GTPBP2: variants seen among roughly 807,000 people sequenced by gnomAD.
GTPBP2 encodes the protein GTP binding protein 2.
In GTPBP2, 32 loss-of-function variants were observed where a neutral mutation model predicts 63.0. That is an observed-to-expected ratio of 0.51 (90% CI 0.38 to 0.68). GTPBP2 has a LOEUF of 0.68. GTPBP2 is among the 30% of genes least tolerant of loss of function. The pLI, the probability that GTPBP2 is intolerant of heterozygous loss-of-function variation, is 0.00. For synonymous variants in GTPBP2, 310 were observed against 322.6 expected (o/e 0.96, Z 0.42); for missense variants, 492 against 796.9 (o/e 0.62, Z 4.61).
upstream of GTPBP2, chr6:43,629,910 TAAC>T (rs1769790680): frequency 7.2e-6 from 8 of 1,109,522 alleles, no homozygotes; most frequent in Non-Finnish European, 9.9e-6. Context: ...CTGGTTTTAA[TAAC>T]CGGAGGCACC....
In GTPBP2 at chr6:43,623,702, G is replaced by A. The variant is rs1018923446; in HGVS notation, c.1295+35C>T. 4.6e-6 allele frequency: 7 copies of A among 1,516,808 alleles called. No homozygotes were observed. In the East Asian group the frequency reaches 1.6e-4, roughly 34 times the overall value. The allele number at this position is 1,516,808 out of a possible 1,614,324, so 94.0% of individuals were successfully genotyped here. ...GATGTCTTTGAGTATATAGGTGAGGGCTGAGTGGGGAGGGTAGCAAGCAAG... is the reference window on the plus strand; with the variant it reads ...GATGTCTTTGAGTATATAGGTGAGGACTGAGTGGGGAGGGTAGCAAGCAAG... On this transcript the variant is annotated intron_variant, in intron 9 of 11. Transcript: ENST00000307126.
chr6:43,627,635 A>G (rs1407036138), intron 1 of GTPBP2, among the ~76,000 whole-genome samples: 3 of 152,220 alleles, frequency 2.0e-5, no homozygotes, highest in Non-Finnish European at 4.4e-5. Flanking sequence ...AGTCTCTTCT[A>G]GCTCCAGTGG....
Position 43,623,191 on chromosome 6 carries a change from G to C in GTPBP2, c.1296-387C>G, listed in dbSNP as rs1385418861. 4 of 194,348 alleles carry C rather than the reference G, an allele frequency of 2.1e-5. No homozygotes were observed. In the South Asian group the frequency reaches 4.4e-4, roughly 22 times the overall value. The allele number at this position is 194,348 out of a possible 1,614,324, so 12.0% of individuals were successfully genotyped here. On this transcript the variant is annotated intron_variant, in intron 9 of 11. Coordinates refer to ENST00000307126, the MANE Select transcript of GTPBP2 (RefSeq NM_019096.5). The stretch of plus-strand genomic sequence containing the variant: ...GGATCACTTGAGGTCAGGAATTCAA[G>C]ACCAGCCTGGCCAATATGGTGACGA...
upstream of GTPBP2, among the ~76,000 whole-genome samples, chr6:43,630,603 C>T (rs925806430): frequency 2.7e-4 from 41 of 152,026 alleles, no homozygotes; most frequent in African/African-American, 9.9e-4. Flanking sequence ...ATTAGCTGGG[C>T]GTGGTGGCGC....
At chr6:43,628,654 C>T in intron 1 of GTPBP2, 1 of 901,646 alleles carries the variant, frequency 1.1e-6, no homozygotes, top group East Asian at 4.1e-5. Flanking sequence ...TGCAGTCTCT[C>T]TTGCCCTATG....
At chr6:43,628,854 G>A (rs1184467629) in intron 1 of GTPBP2, 123 bp downstream of exon 1, 4 of 1,074,314 alleles carry the variant, frequency 3.7e-6, no homozygotes, top group Admixed American at 1.7e-5. Flanking sequence ...TTCTCCTCCC[G>A]TGCCCCTCCT....
rs1769340072 is a variant in GTPBP2 at position 43,626,334 on chromosome 6, C to T, written c.290G>A (p.Arg97His). 1.9e-6 allele frequency: 3 copies of T among 1,614,202 alleles called. No individual in the cohort carries two copies. Among genetic ancestry groups the T allele is most frequent in the South Asian group, 1.1e-5 (1 of 91,090 alleles). ...CCCAATCTGGTAGACGGCCTCACCACGTCCCTCCTGGAGCCGCCACTTCAT... is the reference window on the plus strand; with the variant it reads ...CCCAATCTGGTAGACGGCCTCACCATGTCCCTCCTGGAGCCGCCACTTCAT... ...TQMKWRLQEG[R>H]GEAVYQIGVE... The change falls in exon 3 of 12, where the codon CGT becomes CAT. Residue 97 changes from arginine to histidine, a missense_variant. By Grantham distance (29) the Arg-to-His change is conservative. Around this residue, in one of 2 missense-constraint regions of GTPBP2, gnomAD observed 400 missense variants for 710.8 expected, o/e 0.56. Transcript: ENST00000307126. The surrounding 1 kb of genome is among the most constrained non-coding windows in gnomAD (Gnocchi z 4.0).
intron 9 of GTPBP2, 159 bp downstream of exon 9, chr6:43,623,577 AC>A: frequency 1.6e-6 from 1 of 643,832 alleles, no homozygotes; most frequent in Admixed American, 2.5e-5. Context: ...CCAACAGACT[AC>A]CGTTCTCCAG....
chr6:43,621,680 G>A lies in GTPBP2; in HGVS notation c.1743C>T (p.Gly581=), dbSNP rs72859026. The A allele has an allele frequency of 0.011, 17,870 of 1,614,154 alleles. 134 individuals are homozygous for A. Among genetic ancestry groups the A allele is most frequent in the Non-Finnish European group, 0.014 (16,370 of 1,180,014 alleles). The change falls in exon 12 of 12, where the codon GGC becomes GGT. Residue 581 remains glycine, a synonymous_variant. Coordinates refer to ENST00000307126, the MANE Select transcript of GTPBP2 (RefSeq NM_019096.5). The part of the protein sequence containing the change: ...KLLFREGVTK[G]IGHVTDVQAI... ...CTTGTACATCAGTGACATGGCCGAT[G>A]CCCTTGGTGACACCCTCCCGGAACA...
In GTPBP2 at chr6:43,623,745, T is replaced by C; in HGVS notation, c.1287A>G (p.Thr429=). 1.2e-6 allele frequency: 2 copies of C among 1,611,982 alleles called. No homozygotes were observed. The highest frequency in any genetic ancestry group is 1.7e-5 in the Admixed American group (1 of 60,014). ...CAAGCAAGACAATTTACCTGGAAAGTGTTCCTCCAACAACAGTCCCCACCT... is the reference window on the plus strand; with the variant it reads ...CAAGCAAGACAATTTACCTGGAAAGCGTTCCTCCAACAACAGTCCCCACCT... ...VPEVGTVVGG[T]LSSGICREGD... The change falls in exon 9 of 12, where the codon ACA becomes ACG. Residue 429 remains threonine, a synonymous_variant. Transcript: ENST00000307126.
chr6:43,621,641 T>C lies in GTPBP2; in HGVS notation c.1782A>G (p.Gly594=). Residue 594 remains glycine (G), a synonymous_variant, in exon 12 of 12, where the codon GGA becomes GGG. Transcript: ENST00000307126. Reference sequence around the variant, plus strand: ...AGAAGCCCATGTTGGCCTGGGCTTCTCCTGCTGTAATGGCTTGTACATCAG... The same window carrying C: ...AGAAGCCCATGTTGGCCTGGGCTTCCCCTGCTGTAATGGCTTGTACATCAG... The part of the protein sequence containing the change: ...HVTDVQAITA[G]EAQANMGF 1 of 1,614,216 alleles carries C rather than the reference T, an allele frequency of 6.2e-7. No homozygotes were observed. The highest frequency in any genetic ancestry group is 8.5e-7 in the Non-Finnish European group (1 of 1,180,028).
chr6:43,626,431 A>G lies in GTPBP2; in HGVS notation c.214-21T>C. Reference sequence around the variant, plus strand: ...TTCAACTTAGGGCAAGTGGGGTATCATAAGGTGAAATCAGAGGTGTTCCTC... The same window carrying G: ...TTCAACTTAGGGCAAGTGGGGTATCGTAAGGTGAAATCAGAGGTGTTCCTC... On this transcript the variant is annotated intron_variant, in intron 2 of 11. Transcript: ENST00000307126. This position sits in a 1 kb window ranked among gnomAD's most constrained non-coding sequence, Gnocchi z 4.0. The G allele has an allele frequency of 6.2e-7, 1 of 1,606,518 alleles. No homozygotes were observed. Among genetic ancestry groups the G allele is most frequent in the Non-Finnish European group, 8.5e-7 (1 of 1,173,400 alleles).
Position 43,622,521 on chromosome 6 carries a change from A to G in GTPBP2, c.1467+112T>C. On this transcript the variant is annotated intron_variant, in intron 10 of 11. Transcript: ENST00000307126. This position sits in a 1 kb window ranked among gnomAD's most constrained non-coding sequence, Gnocchi z 5.4. ...AGACCAGAAGCTTCTTGGGTCAGAGAGTGTGTTTCCTCTGAGTTTCTCTGA... is the reference window on the plus strand; with the variant it reads ...AGACCAGAAGCTTCTTGGGTCAGAGGGTGTGTTTCCTCTGAGTTTCTCTGA... 9.8e-7 allele frequency: 1 copy of G among 1,015,534 alleles called. No individual in the cohort carries two copies. Among genetic ancestry groups the G allele is most frequent in the South Asian group, 1.5e-5 (1 of 64,662 alleles). The allele number at this position is 1,015,534 out of a possible 1,614,324, so 62.9% of individuals were successfully genotyped here. A position where few individuals can be genotyped will look rare whatever the true frequency, so the allele number is the denominator to read the frequency against.
Position 43,625,592 on chromosome 6 carries a change from A to G in GTPBP2, c.508-32T>C, listed in dbSNP as rs771599622. The stretch of plus-strand genomic sequence containing the variant: ...ATGAATTGCCAGAGATAAGAACTCC[A>G]ATCTCTCACCCCTCTAACTGAAGAC... On this transcript the variant is annotated intron_variant, in intron 4 of 11. Coordinates refer to ENST00000307126, the MANE Select transcript of GTPBP2 (RefSeq NM_019096.5). This position sits in a 1 kb window ranked among gnomAD's most constrained non-coding sequence, Gnocchi z 5.1. 6.5e-7 allele frequency: 1 copy of G among 1,547,322 alleles called. No homozygotes were observed. The highest frequency in any genetic ancestry group is 8.9e-7 in the Non-Finnish European group (1 of 1,119,318).
rs765672325 is a variant in GTPBP2, at chr6:43,625,495, G to A, written c.573C>T (p.Val191=). 9.3e-6 allele frequency: 15 copies of A among 1,614,016 alleles called. No individual in the cohort carries two copies. Among genetic ancestry groups the A allele is most frequent in the Admixed American group, 1.7e-5 (1 of 60,026 alleles). ...VDSGKSTLLG[V]LTQGELDNGR... is the part of the protein sequence containing the mutation. ...CATTGTCCAGCTCTCCCTGGGTCAG[G>A]ACTCCAAGCAGAGTTGACTTCCCAG... is the stretch of plus-strand genomic sequence containing the variant. The change falls in exon 5 of 12, where the codon GTC becomes GTT. Residue 191 remains valine, a synonymous_variant. Coordinates refer to ENST00000307126, the MANE Select transcript of GTPBP2 (RefSeq NM_019096.5). The surrounding 1 kb of genome is among the most constrained non-coding windows in gnomAD (Gnocchi z 5.1).
intron 1 of GTPBP2, 145 bp from the exon 2 acceptor site, chr6:43,627,093 G>A (rs1769426195): frequency 4.0e-6 from 3 of 746,524 alleles, no homozygotes; most frequent in South Asian, 2.2e-5. Context: ...TCAAAGGTCA[G>A]TGGCAGACAA....
At position 43,620,551 on chromosome 6, in the gene GTPBP2, ATG is replaced by A. The variant is rs958980583; in HGVS notation, c.*1061_*1062del. On this transcript the variant is annotated 3_prime_UTR_variant, in exon 12 of 12. Transcript: ENST00000307126. ...TATGTGTATTTAAATATATATACATATGTATATATATATATATGCACAGAGAA... is the reference window on the plus strand; with the variant it reads ...TATGTGTATTTAAATATATATACATATATATATATATATATGCACAGAGAA... 2 of 160,660 alleles carry A rather than the reference ATG, an allele frequency of 1.2e-5. No individual in the cohort carries two copies. Among genetic ancestry groups the A allele is most frequent in the African/African-American group, 5.0e-5 (2 of 40,060 alleles). 10.0% of individuals were successfully genotyped at this position (160,660 alleles called of 1,614,324 possible).
chr6:43,628,484 G>C, intron 1 of GTPBP2: 6 of 730,744 alleles, frequency 8.2e-6, no homozygotes, highest in Non-Finnish European at 1.0e-5. Context: ...GTGTGTGTGT[G>C]TGTGTGTGTG....
chr6:43,624,497 A>G lies in GTPBP2; in HGVS notation c.1100+13T>C. On this transcript the variant is annotated intron_variant, in intron 7 of 11. Transcript: ENST00000307126. This position sits in a 1 kb window ranked among gnomAD's most constrained non-coding sequence, Gnocchi z 5.1. ...TCCTAGTGGATCAGGGCTTTAGAGTAAGGTGGGCTTACTTGGGTGACTGAG... is the reference window on the plus strand; with the variant it reads ...TCCTAGTGGATCAGGGCTTTAGAGTGAGGTGGGCTTACTTGGGTGACTGAG... 1 of 1,595,012 alleles carries G rather than the reference A, an allele frequency of 6.3e-7. No individual in the cohort carries two copies. Among genetic ancestry groups the G allele is most frequent in the East Asian group, 2.2e-5 (1 of 44,788 alleles).
Sources: gnomAD v4.1 joint callset for allele counts (sites outside exome capture counted in the v4.1 genomes callset) on GRCh38, gnomAD v4.1.1 for gene constraint, gnomAD v4.1.1 regional missense constraint, Gnocchi (gnomAD v3.1) non-coding constraint, MANE v1.5 for transcripts, NCBI Gene and HGNC (gene_info 2026-07-23, HGNC 2026-07-21) for gene names.